SPATA9: variants seen among roughly 807,000 people sequenced by gnomAD.
The protein encoded by SPATA9 is spermatogenesis-associated protein 9.
SPATA9 carries 27 observed loss-of-function variants against 25.5 expected under a neutral mutation model. That is an observed-to-expected ratio of 1.06 (90% CI 0.78 to 1.46). SPATA9 has a LOEUF of 1.46. Among genes scored for constraint, SPATA9 ranks in the 40% most tolerant of loss-of-function variants. The pLI, the probability that SPATA9 is intolerant of heterozygous loss-of-function variation, is 0.00. For synonymous variants in SPATA9, 102 were observed against 105.7 expected (o/e 0.97, Z 0.21); for missense variants, 282 against 297.5 (o/e 0.95, Z 0.38).
intron 1 of SPATA9, among the ~76,000 whole-genome samples, chr5:95,691,679 G>A (rs1054119266): frequency 1.3e-5 from 2 of 151,980 alleles, no homozygotes; most frequent in Non-Finnish European, 2.9e-5. Flanking sequence ...CCATGTTAAT[G>A]CCAATTATTT....
chr5:95,666,319 G>C (rs531406568), intron 3 of SPATA9, among the ~76,000 whole-genome samples: 77 of 152,294 alleles, frequency 5.1e-4, no homozygotes, highest in Admixed American at 3.3e-3. Flanking sequence ...CTGCATTACA[G>C]GGATGGACTC....
At chr5:95,725,273 T>A in the SPATA9 span, among the ~76,000 whole-genome samples, 1 of 152,188 alleles carries the variant, frequency 6.6e-6, no homozygotes, top group African/African-American at 2.4e-5. Flanking sequence ...TTACAAATGA[T>A]GATGAATAAA....
chr5:95,700,299 A>C (rs982696865), upstream of SPATA9, among the ~76,000 whole-genome samples: 1 of 152,028 alleles, frequency 6.6e-6, no homozygotes. Flanking sequence ...TACATTTAAA[A>C]AAAATTTTTT....
the SPATA9 span, among the ~76,000 whole-genome samples, chr5:95,706,965 A>G: frequency 6.6e-6 from 1 of 152,214 alleles, no homozygotes; most frequent in East Asian, 1.9e-4. Flanking sequence ...TACTTGTATA[A>G]CATAACAGGG....
chr5:95,698,229 T>C (rs1297268941), intron 1 of SPATA9, among the ~76,000 whole-genome samples: 1 of 152,112 alleles, frequency 6.6e-6, no homozygotes, highest in Non-Finnish European at 1.5e-5. Flanking sequence ...TACATTGAGA[T>C]TGGCAGAGAG....
intron 1 of SPATA9, among the ~76,000 whole-genome samples, chr5:95,690,095 C>T (rs10035169): frequency 6.6e-6 from 1 of 151,844 alleles, no homozygotes; most frequent in Non-Finnish European, 1.5e-5. Flanking sequence ...TGCTTAATAC[C>T]TGGGTAATGA....
intron 1 of SPATA9, among the ~76,000 whole-genome samples, chr5:95,693,553 T>A (rs1561420403): frequency 6.6e-6 from 1 of 152,228 alleles, no homozygotes; most frequent in Non-Finnish European, 1.5e-5. Flanking sequence ...TACACACATA[T>A]GTTGTAAAAC....
downstream of SPATA9, chr5:95,655,498 A>G (rs74616725): frequency 4.1e-3 from 626 of 152,698 alleles, 2 homozygotes; most frequent in Middle Eastern, 0.014. Context: ...TAGACCTACT[A>G]CATTTAAACA....
At chr5:95,697,551 T>C (rs1754055206) in intron 1 of SPATA9, among the ~76,000 whole-genome samples, 1 of 152,186 alleles carries the variant, frequency 6.6e-6, no homozygotes. Flanking sequence ...AGCTCATCAC[T>C]AGAGACAATC....
chr5:95,693,868 G>A (rs968625770), intron 1 of SPATA9, among the ~76,000 whole-genome samples: 4 of 152,148 alleles, frequency 2.6e-5, no homozygotes, highest in Non-Finnish European at 4.4e-5. Context: ...AGCATTTCAA[G>A]AAAAGCAAAG....
chr5:95,716,792 G>T, the SPATA9 span, among the ~76,000 whole-genome samples: 2 of 152,124 alleles, frequency 1.3e-5, no homozygotes, highest in African/African-American at 4.8e-5. Context: ...TCATGAGAGG[G>T]ACCCAGTGGG....
rs111431532 is a variant in SPATA9, at chr5:95,674,663, T to C, written c.378+749A>G. 374 of 418,102 alleles carry C rather than the reference T, an allele frequency of 8.9e-4. 4 individuals are homozygous for C. The highest frequency in any genetic ancestry group is 6.4e-3 in the African/African-American group (309 of 48,006). 25.9% of individuals were successfully genotyped at this position (418,102 alleles called of 1,614,324 possible). A position where few individuals can be genotyped will look rare whatever the true frequency, so the allele number is the denominator to read the frequency against. On this transcript the variant is annotated intron_variant, in intron 3 of 4. Transcript: ENST00000274432. ...GACACTGAGCAAAAGCGAGAAAGGATCCGGAAGGTATCGTTTGAATACCTG... is the reference window on the plus strand; with the variant it reads ...GACACTGAGCAAAAGCGAGAAAGGACCCGGAAGGTATCGTTTGAATACCTG...
At chr5:95,715,192 T>G in the SPATA9 span, among the ~76,000 whole-genome samples, 6 of 151,762 alleles carry the variant, frequency 4.0e-5, no homozygotes, top group South Asian at 2.1e-4. Context: ...GGCGTGGTGG[T>G]GCATGCCTGT....
chr5:95,731,419 G>C, the SPATA9 span: 3 of 1,192,530 alleles, frequency 2.5e-6, no homozygotes, highest in Non-Finnish European at 3.1e-6. Flanking sequence ...CTGTGCGGCG[G>C]TCCCGCGCCC....
At chr5:95,704,778 T>C in the SPATA9 span, among the ~76,000 whole-genome samples, 202 of 152,224 alleles carry the variant, frequency 1.3e-3, 3 homozygotes, top group African/African-American at 4.6e-3. Flanking sequence ...GGCACTGACA[T>C]TTTTTGAGGA....
Position 95,658,640 on chromosome 5 carries a change from T to C in SPATA9, c.748A>G (p.Met250Val). 1 of 1,613,172 alleles carries C rather than the reference T, an allele frequency of 6.2e-7. No individual in the cohort carries two copies. The highest frequency in any genetic ancestry group is 8.5e-7 in the Non-Finnish European group (1 of 1,179,614). The change falls in exon 5 of 5, where the codon ATG becomes GTG. Residue 250 changes from methionine to valine, a missense_variant. Physicochemically the swap from Met to Val is conservative, Grantham distance 21. Transcript: ENST00000274432. ...ACCTGTATTCAGATTTGCTCATTCATTTCAGCTGATTGGTCAAACACAGAA... is the reference window on the plus strand; with the variant it reads ...ACCTGTATTCAGATTTGCTCATTCACTTCAGCTGATTGGTCAAACACAGAA... The part of the protein sequence containing the change: ...LHSVFDQSAE[M>V]NEQI
At chr5:95,707,622 C>T in the SPATA9 span, among the ~76,000 whole-genome samples, 5 of 152,104 alleles carry the variant, frequency 3.3e-5, no homozygotes, top group South Asian at 6.2e-4. Context: ...GGGCTTTGGG[C>T]GTTATCAATC....
the SPATA9 span, among the ~76,000 whole-genome samples, chr5:95,715,123 A>G: frequency 7.2e-5 from 11 of 152,142 alleles, no homozygotes; most frequent in Non-Finnish European, 1.6e-4. Context: ...CAGGAGATCA[A>G]GACCACCCTG....
At chr5:95,699,764 A>G (rs563387842), upstream of SPATA9, among the ~76,000 whole-genome samples, 1 of 152,366 alleles carries the variant, frequency 6.6e-6, no homozygotes, top group East Asian at 1.9e-4. Context: ...GGGTGAGCAT[A>G]GTGGGAAGAA....
Sources: gnomAD v4.1 joint callset for allele counts (sites outside exome capture counted in the v4.1 genomes callset) on GRCh38, gnomAD v4.1.1 for gene constraint, MANE v1.5 for transcripts, NCBI Gene and HGNC (gene_info 2026-07-23, HGNC 2026-07-21) for gene names.